Variants in POTEC observed in about 807,000 individuals in gnomAD.
POTEC encodes POTE ankyrin domain family member C.
POTEC carries 35 observed loss-of-function variants against 62.0 expected under a neutral mutation model. The observed-to-expected ratio is 0.56, with a 90% CI of 0.43 to 0.75. The LOEUF (loss-of-function observed/expected upper bound fraction) is 0.75. POTEC is among the 30% of genes least tolerant of loss of function. POTEC has a pLI of 0.00. For synonymous variants in POTEC, 156 were observed against 221.5 expected (o/e 0.70, Z 2.62); for missense variants, 472 against 655.9 (o/e 0.72, Z 3.06).
At position 14,509,973 on chromosome 18, in the gene POTEC, G is replaced by A. The variant is rs1255736100; in HGVS notation, c.*1925C>T. 2 of 149,200 alleles carry A rather than the reference G, an allele frequency of 1.3e-5. No individual in the cohort carries two copies. The highest frequency in any genetic ancestry group is 3.0e-5 in the Non-Finnish European group (2 of 67,482). The allele number at this position is 149,200 out of a possible 1,614,324, so 9.2% of individuals were successfully genotyped here. A position where few individuals can be genotyped will look rare whatever the true frequency, so the allele number is the denominator to read the frequency against. ...TGACCTCAGCACTCCTAAAGTGCTGGGATAAAGTGTCTCATAAGAGCAAGT... is the reference window on the plus strand; with the variant it reads ...TGACCTCAGCACTCCTAAAGTGCTGAGATAAAGTGTCTCATAAGAGCAAGT... On this transcript the variant is annotated 3_prime_UTR_variant, in exon 11 of 11. Coordinates refer to ENST00000358970, the MANE Select transcript of POTEC (RefSeq NM_001137671.2).
chr18:14,521,120 A>G (rs2143125360), intron 9 of POTEC, among the ~76,000 whole-genome samples: 1 of 152,310 alleles, frequency 6.6e-6, no homozygotes, highest in Non-Finnish European at 1.5e-5. Context: ...AAATGTTTAT[A>G]TTAAATATAG....
chr18:14,526,618 G>A (rs1348834684), intron 6 of POTEC, among the ~76,000 whole-genome samples: 6 of 152,068 alleles, frequency 3.9e-5, no homozygotes, highest in Non-Finnish European at 7.4e-5. Flanking sequence ...ACAGCAGCAA[G>A]AGCAGGAGCG....
chr18:14,537,204 CACACACAAAAAAA>C (rs1337216128), intron 3 of POTEC, among the ~76,000 whole-genome samples: 1 of 77,118 alleles, frequency 1.3e-5, no homozygotes, highest in African/African-American at 7.3e-5. Flanking sequence ...CACACACACA[CACACACAAAAAAA>C]AAAAAAAACA....
intron 1 of POTEC, 150 bp downstream of exon 1, chr18:14,542,476 C>G: frequency 8.0e-7 from 1 of 1,253,360 alleles, no homozygotes; most frequent in Non-Finnish European, 1.1e-6. Flanking sequence ...ATAAAGGGAC[C>G]TGGGCCCTGA....
chr18:14,520,757 G>A (rs1407765919), intron 9 of POTEC, among the ~76,000 whole-genome samples: 1 of 151,932 alleles, frequency 6.6e-6, no homozygotes, highest in Non-Finnish European at 1.5e-5. Context: ...CCAGCCCACT[G>A]CCTGTTTTTG....
In POTEC at chr18:14,543,054, G is replaced by T. The variant is rs769733149; in HGVS notation, c.93C>A (p.Arg31=). 6.2e-7 allele frequency: 1 copy of T among 1,606,094 alleles called. No homozygotes were observed. The highest frequency in any genetic ancestry group is 1.1e-5 in the South Asian group (1 of 90,586). ...RSKMGKWFHH[R]FPCCKGSGKS... is the part of the protein sequence containing the mutation. ...TGCCGCTCCCCTTGCAGCAGGGGAA[G>T]CGGTGGTGAAACCACTTGCCCATCT... is the stretch of plus-strand genomic sequence containing the variant. The change falls in exon 1 of 11, where the codon CGC becomes CGA. Residue 31 remains arginine (R), a synonymous_variant. Coordinates refer to ENST00000358970, the MANE Select transcript of POTEC (RefSeq NM_001137671.2).
chr18:14,542,431 T>C (rs1905968483), intron 1 of POTEC, among the ~76,000 whole-genome samples, 195 bp downstream of exon 1: 1 of 152,154 alleles, frequency 6.6e-6, no homozygotes, highest in African/African-American at 2.4e-5. Context: ...TATAATTGGA[T>C]TGAAAATCAG....
Position 14,507,842 on chromosome 18 carries a change from A to T in POTEC, c.*4056T>A, listed in dbSNP as rs1909887959. 6 of 152,184 alleles carry T rather than the reference A, an allele frequency of 3.9e-5. No individual in the cohort carries two copies. The South Asian group carries it at 1.2e-3, about 32-fold the overall frequency. The allele number at this position is 152,184 out of a possible 1,614,324, so 9.4% of individuals were successfully genotyped here. A position where few individuals can be genotyped will look rare whatever the true frequency, so the allele number is the denominator to read the frequency against. ...TGTTTCTCCTTCACTTATGATGCTT[A>T]ATTTTGCTGGACATGAAATTCTGGG... On this transcript the variant is annotated 3_prime_UTR_variant, in exon 11 of 11. Transcript: ENST00000358970.
At chr18:14,525,730 C>T (rs139452056) in intron 6 of POTEC, among the ~76,000 whole-genome samples, 1 of 151,294 alleles carries the variant, frequency 6.6e-6, no homozygotes, top group East Asian at 2.0e-4. Flanking sequence ...CACCTAAATA[C>T]AATCCTCTTG....
chr18:14,541,619 A>G (rs1002686099), intron 1 of POTEC, among the ~76,000 whole-genome samples: 1 of 152,206 alleles, frequency 6.6e-6, no homozygotes, highest in Non-Finnish European at 1.5e-5. Context: ...AGCCTGGGCC[A>G]TGGAGTGAGA....
Position 14,508,169 on chromosome 18 carries a change from G to A in POTEC, c.*3729C>T, listed in dbSNP as rs537231095. 36 of 152,190 alleles carry A rather than the reference G, an allele frequency of 2.4e-4. No homozygotes were observed. Among genetic ancestry groups the A allele is most frequent in the African/African-American group, 8.2e-4 (34 of 41,508 alleles). 9.4% of individuals were successfully genotyped at this position (152,190 alleles called of 1,614,324 possible). On this transcript the variant is annotated 3_prime_UTR_variant, in exon 11 of 11. Coordinates refer to ENST00000358970, the MANE Select transcript of POTEC (RefSeq NM_001137671.2). Reference sequence around the variant, plus strand: ...TATTCTGAAATGTGTTTTCCAAGTTGGTTCCATTCTCCTCATCTCTTTCAG... The same window carrying A: ...TATTCTGAAATGTGTTTTCCAAGTTAGTTCCATTCTCCTCATCTCTTTCAG...
At chr18:14,540,345 TA>T (rs1442225054) in intron 1 of POTEC, among the ~76,000 whole-genome samples, 47 of 152,276 alleles carry the variant, frequency 3.1e-4, no homozygotes, top group African/African-American at 1.1e-3. Context: ...GAAACTTAAC[TA>T]AAACTTTTCA....
chr18:14,530,300 A>G (rs1239343357), intron 6 of POTEC, among the ~76,000 whole-genome samples, 183 bp downstream of exon 6: 2 of 152,082 alleles, frequency 1.3e-5, no homozygotes, highest in African/African-American at 2.4e-5. Flanking sequence ...TAATTATTTC[A>G]TTATATATTA....
intron 9 of POTEC, among the ~76,000 whole-genome samples, chr18:14,520,891 C>T (rs147762926): frequency 0.011 from 1,718 of 152,188 alleles, 24 homozygotes; most frequent in African/African-American, 0.04. Flanking sequence ...GGCAGGATTA[C>T]TAGAGCCCAG....
At chr18:14,537,217 A>AAAAC (rs1555624131) in intron 3 of POTEC, among the ~76,000 whole-genome samples, 3 of 132,242 alleles carry the variant, frequency 2.3e-5, no homozygotes, top group East Asian at 2.8e-4. Context: ...ACACAAAAAA[A>AAAAC]AAAAAAAACA....
chr18:14,517,113 C>T (rs1288992046), intron 9 of POTEC, among the ~76,000 whole-genome samples: 1 of 148,828 alleles, frequency 6.7e-6, no homozygotes, highest in East Asian at 2.1e-4. Context: ...AACAGATATT[C>T]CTGAGAGCTG....
At position 14,540,873 on chromosome 18, in the gene POTEC, ATATT is replaced by A. The variant is rs1053323286; in HGVS notation, c.521+1749_521+1752del. 5.3e-5 allele frequency among the ~76,000 whole-genome samples: 8 copies of A among 151,128 alleles called. No homozygotes were observed. In the East Asian group the frequency reaches 1.2e-3, roughly 22 times the overall value. On this transcript the variant is annotated intron_variant, in intron 1 of 10. Transcript: ENST00000358970. ...ACAGAAAACAGTATTTCATTCCTCT[ATATT>A]TATTTATTTATTTTTATTTATTTAT...
Position 14,509,546 on chromosome 18 carries a change from A to T in POTEC, c.*2352T>A, listed in dbSNP as rs557955667. ...GCAAAGTGATGTAGGAAGTTTCCAT[A>T]TAAAGGGCTGCAGTATGGAATGGTA... is the stretch of plus-strand genomic sequence containing the variant. On this transcript the variant is annotated 3_prime_UTR_variant, in exon 11 of 11. Transcript: ENST00000358970. 1 of 152,254 alleles carries T rather than the reference A, an allele frequency of 6.6e-6. No individual in the cohort carries two copies. Among genetic ancestry groups the T allele is most frequent in the South Asian group, 2.1e-4 (1 of 4,820 alleles). 9.4% of individuals were successfully genotyped at this position (152,254 alleles called of 1,614,324 possible). A position where few individuals can be genotyped will look rare whatever the true frequency, so the allele number is the denominator to read the frequency against.
Position 14,511,681 on chromosome 18 carries a change from C to T in POTEC, c.*217G>A. Reference sequence around the variant, plus strand: ...AATGACATGATTGAATTTCCATTTCCAGTGTTTCCTAGCTGTGTCTTACAT... The same window carrying T: ...AATGACATGATTGAATTTCCATTTCTAGTGTTTCCTAGCTGTGTCTTACAT... On this transcript the variant is annotated 3_prime_UTR_variant, in exon 11 of 11. Coordinates refer to ENST00000358970, the MANE Select transcript of POTEC (RefSeq NM_001137671.2). 10 of 599,356 alleles carry T rather than the reference C, an allele frequency of 1.7e-5. 1 individual carries two copies. In the South Asian group the frequency reaches 2.0e-4, roughly 12 times the overall value. 37.1% of individuals were successfully genotyped at this position (599,356 alleles called of 1,614,324 possible).
Sources: allele counts gnomAD v4.1 joint callset (sites outside exome capture counted in the v4.1 genomes callset), GRCh38; gene constraint gnomAD v4.1.1; transcripts MANE v1.5; gene names NCBI Gene and HGNC (gene_info 2026-07-23, HGNC 2026-07-21).